DOCK11: variants seen among roughly 807,000 people sequenced by gnomAD.
The protein encoded by DOCK11 is dedicator of cytokinesis 11.
Under a neutral mutation model 169.1 loss-of-function variants are expected in DOCK11, and 70 were observed. The observed-to-expected ratio is 0.41, with a 90% CI of 0.34 to 0.51. DOCK11 has a LOEUF of 0.51. Among genes scored for constraint, DOCK11 ranks in the 20% least tolerant of loss-of-function variants. The probability of loss-of-function intolerance (pLI) is 0.10; values close to 1 mark genes in which losing one functional copy is unlikely to be tolerated. For missense variants in DOCK11, 1,166 were observed against 1,538.8 expected (o/e 0.76, Z 4.05); for synonymous variants, 529 against 541.3 (o/e 0.98, Z 0.32).
intron 1 of DOCK11, among the ~76,000 whole-genome samples, chrX:118,514,150 C>G (rs1363602149): frequency 1.5e-4 from 17 of 109,974 alleles, no homozygotes. Flanking sequence ...TTTCCCCTGC[C>G]TGCACTCACT....
intron 35 of DOCK11, among the ~76,000 whole-genome samples, chrX:118,635,216 C>T (rs969889599): frequency 8.9e-6 from 1 of 111,837 alleles, no homozygotes; most frequent in Admixed American, 9.5e-5. Context: ...TCTTGTCTTC[C>T]ATCTTTATCA....
At chrX:118,574,782 G>C (rs777895693) in intron 12 of DOCK11, among the ~76,000 whole-genome samples, 1 of 111,977 alleles carries the variant, frequency 8.9e-6, no homozygotes, top group African/African-American at 3.2e-5. Context: ...TACTTGAAAA[G>C]CAATGGGCGG....
intron 1 of DOCK11, among the ~76,000 whole-genome samples, chrX:118,516,896 A>G (rs954522660): frequency 1.8e-5 from 2 of 111,711 alleles, no homozygotes; most frequent in African/African-American, 6.5e-5. Flanking sequence ...AGATAATGAT[A>G]GTACTGACCT....
At chrX:118,551,829 G>A (rs994349075) in intron 6 of DOCK11, among the ~76,000 whole-genome samples, 5 of 111,474 alleles carry the variant, frequency 4.5e-5, no homozygotes, top group Non-Finnish European at 5.6e-5. Flanking sequence ...CTGCCCAGGC[G>A]TTCATGACCA....
At position 118,560,120 on chromosome X, in the gene DOCK11, T is replaced by TA. The variant is rs952905120; in HGVS notation, c.559-1255dup. The stretch of plus-strand genomic sequence containing the variant: ...ACTGATATATATTTTTGTCATTCAT[T>TA]AAAAAAAATCAATGATATTTATACA... On this transcript the variant is annotated intron_variant, in intron 6 of 52. Coordinates refer to ENST00000276202, the MANE Select transcript of DOCK11 (RefSeq NM_144658.4). Among the ~76,000 whole-genome samples the TA allele has an allele frequency of 7.7e-4, 86 of 111,104 alleles. 1 individual carries two copies. Among genetic ancestry groups the TA allele is most frequent in the African/African-American group, 2.5e-3 (75 of 30,594 alleles).
chrX:118,515,138 C>T (rs748224210), intron 1 of DOCK11, among the ~76,000 whole-genome samples: 21 of 112,198 alleles, frequency 1.9e-4, no homozygotes, highest in Admixed American at 1.5e-3. Context: ...TCAGGTCTCC[C>T]GCTGCCTCTT....
chrX:118,502,270 C>T (rs982952638), intron 1 of DOCK11, among the ~76,000 whole-genome samples: 1 of 111,559 alleles, frequency 9.0e-6, no homozygotes, highest in African/African-American at 3.3e-5. Flanking sequence ...GTTCTTGAGC[C>T]GAAATTTACT....
chrX:118,505,652 G>A (rs2057606505), intron 1 of DOCK11, among the ~76,000 whole-genome samples: 1 of 112,271 alleles, frequency 8.9e-6, no homozygotes, highest in Admixed American at 9.4e-5. Context: ...CCCGTTCCCA[G>A]TCTGACTTAG....
At chrX:118,683,466 A>G (rs1462337509) in intron 52 of DOCK11, among the ~76,000 whole-genome samples, 1 of 112,024 alleles carries the variant, frequency 8.9e-6, no homozygotes, top group Non-Finnish European at 1.9e-5. Flanking sequence ...TGTCAGAGGC[A>G]AGAGGTTGAA....
chrX:118,627,673 C>A, intron 33 of DOCK11, 94 bp downstream of exon 33: 1 of 630,859 alleles, frequency 1.6e-6, no homozygotes. Flanking sequence ...TAATAAAGAC[C>A]ATACATAGCT....
chrX:118,634,495 G>T (rs1019270085), intron 35 of DOCK11, among the ~76,000 whole-genome samples: 1 of 112,358 alleles, frequency 8.9e-6, no homozygotes, highest in African/African-American at 3.2e-5. Context: ...GGTGCTCACC[G>T]TTGGACGCAA....
At chrX:118,519,794 A>G (rs753185813) in intron 1 of DOCK11, among the ~76,000 whole-genome samples, 29 of 112,029 alleles carry the variant, frequency 2.6e-4, no homozygotes, top group Admixed American at 2.1e-3. Context: ...AAAGCAAAGC[A>G]TAATTTTGTA....
chrX:118,573,507 C>T (rs2013344748), intron 11 of DOCK11, among the ~76,000 whole-genome samples: 2 of 112,417 alleles, frequency 1.8e-5, no homozygotes, highest in Admixed American at 1.9e-4. Flanking sequence ...AAATTTTATT[C>T]ATAGAACAAT....
chrX:118,567,236 T>G (rs1259996561), intron 9 of DOCK11, among the ~76,000 whole-genome samples: 1 of 111,536 alleles, frequency 9.0e-6, no homozygotes, highest in Non-Finnish European at 1.9e-5. Flanking sequence ...TTATAGTAGA[T>G]TAGAAGGTTG....
At position 118,610,371 on chromosome X, in the gene DOCK11, C is replaced by T. The variant is rs760066943; in HGVS notation, c.3049C>T (p.Pro1017Ser). 3.3e-6 allele frequency: 4 copies of T among 1,210,867 alleles called. No individual in the cohort carries two copies. In the East Asian group the frequency reaches 1.2e-4, roughly 36 times the overall value. The change falls in exon 28 of 53, where the codon CCC becomes TCC. Residue 1017 changes from proline (P) to serine (S), a missense_variant. Transcript: ENST00000276202. ...PHVTIRYAEI[P>S]DESRNVNYSL... ...TGTGACTATTCGGTATGCGGAGATT[C>T]CCGATGAGTCCAGAAATGTGAACTA...
rs749148411 is a variant in DOCK11, at chrX:118,681,241, C to G, written c.5855C>G (p.Ser1952Cys). 1 of 1,186,249 alleles carries G rather than the reference C, an allele frequency of 8.4e-7. No individual in the cohort carries two copies. The highest frequency in any genetic ancestry group is 2.4e-5 in the Admixed American group (1 of 41,511). ...CAACTTAAATTGCAGGGCTGTGTTT[C>G]TGTGCAGGTACGTTGGTCATCCAAC... is the stretch of plus-strand genomic sequence containing the variant. ...QLQLKLQGCVSVQVNAGPLAY... is the reference protein window; with the variant it reads ...QLQLKLQGCVCVQVNAGPLAY... The change falls in exon 50 of 53, where the codon TCT (serine) becomes TGT (cysteine). Residue 1952 changes from serine (S) to cysteine (C), a missense_variant. By Grantham distance (112) the Ser-to-Cys change is moderately radical. Coordinates refer to ENST00000276202, the MANE Select transcript of DOCK11 (RefSeq NM_144658.4).
intron 1 of DOCK11, among the ~76,000 whole-genome samples, chrX:118,520,130 A>C (rs949837535): frequency 8.9e-6 from 1 of 112,323 alleles, no homozygotes; most frequent in African/African-American, 3.2e-5. Context: ...GACACTGGGA[A>C]ATGGACTTAA....
At position 118,580,151 on chromosome X, in the gene DOCK11, T is replaced by C; in HGVS notation, c.1567T>C (p.Tyr523His). 2 of 1,209,503 alleles carry C rather than the reference T, an allele frequency of 1.7e-6. No individual in the cohort carries two copies. Among genetic ancestry groups the C allele is most frequent in the Non-Finnish European group, 2.2e-6 (2 of 894,575 alleles). Residue 523 changes from tyrosine to histidine, a missense_variant, in exon 14 of 53, where the codon TAC becomes CAC. Physicochemically the swap from Tyr to His is moderately conservative, Grantham distance 83. Transcript: ENST00000276202. The part of the protein sequence containing the change: ...AKQVCSRLGQ[Y>H]RMPFAWAARP... ...ACAAGTGTGTAGCCGCCTTGGACAA[T>C]ACAGAATGCCCTTCGCTTGGGCTGC...
At chrX:118,685,476 C>A (rs1383837409) in intron 52 of DOCK11, 1 of 354,330 alleles carries the variant, frequency 2.8e-6, no homozygotes, top group Non-Finnish European at 4.6e-6. Context: ...TAATGAGTAA[C>A]TAGATCTTTT....
Sources: allele counts gnomAD v4.1 joint callset (sites outside exome capture counted in the v4.1 genomes callset), GRCh38; gene constraint gnomAD v4.1.1; transcripts MANE v1.5; gene names NCBI Gene and HGNC (gene_info 2026-07-23, HGNC 2026-07-21).